Variants in ANGPTL5 observed in about 807,000 individuals in gnomAD.
ANGPTL5 encodes the protein angiopoietin-related protein 5.
In ANGPTL5, 34 loss-of-function variants were observed where a neutral mutation model predicts 39.4. That is an observed-to-expected ratio of 0.86 (90% CI 0.66 to 1.15). The LOEUF (loss-of-function observed/expected upper bound fraction) is 1.15. Ranked by LOEUF, ANGPTL5 falls within the 50% of genes most tolerant of loss-of-function variation. The pLI is 0.00. For missense variants in ANGPTL5, 467 were observed against 457.5 expected, an observed-to-expected ratio of 1.02 and a Z score of -0.19; for synonymous variants, 146 against 152.1, an observed-to-expected ratio of 0.96 and a Z score of 0.29.
At chr11:101,893,125 T>G (rs1939730899) in intron 8 of ANGPTL5, among the ~76,000 whole-genome samples, 1 of 152,186 alleles carries the variant, frequency 6.6e-6, no homozygotes. Context: ...CCTCAAGAGA[T>G]TTTATTTAAT....
chr11:101,914,189 T>TTCCAATCTG (rs1251261413), intron 1 of ANGPTL5, among the ~76,000 whole-genome samples: 4 of 152,250 alleles, frequency 2.6e-5, no homozygotes, highest in African/African-American at 4.8e-5. Flanking sequence ...TTATTTGGTC[T>TTCCAATCTG]GTACTTTCTG....
At chr11:101,912,059 C>A (rs1342829400) in intron 1 of ANGPTL5, among the ~76,000 whole-genome samples, 1 of 152,244 alleles carries the variant, frequency 6.6e-6, no homozygotes, top group Non-Finnish European at 1.5e-5. Flanking sequence ...TTCCATGTAG[C>A]ACTTTTCACT....
At chr11:101,905,686 A>T in intron 4 of ANGPTL5, 58 bp downstream of exon 4, 1 of 1,191,266 alleles carries the variant, frequency 8.4e-7, no homozygotes, top group Non-Finnish European at 1.2e-6. Context: ...TTATACCTCC[A>T]GCTAACTATA....
intron 6 of ANGPTL5, among the ~76,000 whole-genome samples, chr11:101,901,732 A>G (rs1447511412): frequency 6.6e-6 from 1 of 152,144 alleles, no homozygotes; most frequent in Non-Finnish European, 1.5e-5. Context: ...TTTTAAAATT[A>G]TTTCCCACCT....
chr11:101,913,667 A>G (rs1233305071), intron 1 of ANGPTL5, among the ~76,000 whole-genome samples: 1 of 152,238 alleles, frequency 6.6e-6, no homozygotes, highest in East Asian at 1.9e-4. Context: ...CCTAGGACTT[A>G]CGAGATCGCA....
chr11:101,911,914 A>C (rs767367138), intron 1 of ANGPTL5, among the ~76,000 whole-genome samples: 10 of 152,060 alleles, frequency 6.6e-5, no homozygotes, highest in Non-Finnish European at 1.2e-4. Flanking sequence ...CTTATTCTTC[A>C]TCCAGATATT....
intron 1 of ANGPTL5, among the ~76,000 whole-genome samples, chr11:101,914,602 A>G (rs1940155999): frequency 6.6e-6 from 1 of 152,210 alleles, no homozygotes; most frequent in South Asian, 2.1e-4. Flanking sequence ...TCACAAAGAC[A>G]TTTTAAAGAG....
chr11:101,899,514 G>A (rs900220041), intron 7 of ANGPTL5, among the ~76,000 whole-genome samples: 1 of 152,228 alleles, frequency 6.6e-6, no homozygotes, highest in Admixed American at 6.5e-5. Context: ...AAATAAATTT[G>A]AAGTAAGGAA....
intron 6 of ANGPTL5, among the ~76,000 whole-genome samples, chr11:101,901,828 T>A (rs998622408): frequency 6.6e-6 from 1 of 152,046 alleles, no homozygotes; most frequent in Non-Finnish European, 1.5e-5. Flanking sequence ...TAGTATTTAC[T>A]TAGAAAAAAA....
At chr11:101,902,530 T>A in intron 6 of ANGPTL5, 91 bp downstream of exon 6, 1 of 1,040,910 alleles carries the variant, frequency 9.6e-7, no homozygotes, top group Non-Finnish European at 1.4e-6. Flanking sequence ...AAATTAAATA[T>A]TAAAACAATT....
rs1940055323 is a variant in ANGPTL5, at chr11:101,909,513, G to A, written c.-92-1512C>T. Among the ~76,000 whole-genome samples, 3 of 152,332 alleles carry A rather than the reference G, an allele frequency of 2.0e-5. No homozygotes were observed. In the South Asian group the frequency reaches 6.2e-4, roughly 32 times the overall value. Reference sequence around the variant, plus strand: ...ATATTAATAGGCAAATACACATATTGTAATCTTAAATTTCTAGTTGAAGTC... The same window carrying A: ...ATATTAATAGGCAAATACACATATTATAATCTTAAATTTCTAGTTGAAGTC... On this transcript the variant is annotated intron_variant, in intron 1 of 8. Coordinates refer to ENST00000334289, the MANE Select transcript of ANGPTL5 (RefSeq NM_178127.5).
intron 1 of ANGPTL5, chr11:101,915,373 C>A: frequency 6.2e-7 from 1 of 1,613,886 alleles, no homozygotes; most frequent in Non-Finnish European, 8.5e-7. Flanking sequence ...CCCCTCGGCC[C>A]TCGGGAGAGC....
Position 101,908,010 on chromosome 11 carries a change from C to A in ANGPTL5, c.-92-9G>T. 1 of 867,192 alleles carries A rather than the reference C, an allele frequency of 1.2e-6. No homozygotes were observed. The highest frequency in any genetic ancestry group is 1.9e-6 in the Non-Finnish European group (1 of 536,630). 53.7% of individuals were successfully genotyped at this position (867,192 alleles called of 1,614,324 possible). On this transcript the variant is annotated splice_polypyrimidine_tract_variant and intron_variant, in intron 1 of 8. Coordinates refer to ENST00000334289, the MANE Select transcript of ANGPTL5 (RefSeq NM_178127.5). ...TCTTCAGTTAAAAACCTCTGGAAAG[C>A]GTACAACAAAAACATAAGCCAAAAC...
At chr11:101,899,020 T>G (rs1476886522) in intron 7 of ANGPTL5, among the ~76,000 whole-genome samples, 7 of 152,240 alleles carry the variant, frequency 4.6e-5, no homozygotes, top group African/African-American at 9.6e-5. Context: ...GATAAGCTTT[T>G]TAATGTGCTG....
chr11:101,891,092 C>T lies in ANGPTL5; in HGVS notation c.*187G>A, dbSNP rs929734767. ...TAATATAGTCAGAAGTAAAAACATA[C>T]AATAAGCCATGTTTTCTTTTATAGA... On this transcript the variant is annotated 3_prime_UTR_variant, in exon 9 of 9. Coordinates refer to ENST00000334289, the MANE Select transcript of ANGPTL5 (RefSeq NM_178127.5). 3.9e-6 allele frequency: 2 copies of T among 519,150 alleles called. No homozygotes were observed. Among genetic ancestry groups the T allele is most frequent in the African/African-American group, 3.8e-5 (2 of 52,568 alleles). The allele number at this position is 519,150 out of a possible 1,614,324, so 32.2% of individuals were successfully genotyped here.
intron 2 of ANGPTL5, 82 bp from the exon 3 acceptor site, chr11:101,907,329 G>A (rs1678623785): frequency 6.7e-6 from 6 of 896,514 alleles, no homozygotes; most frequent in Non-Finnish European, 9.7e-6. Flanking sequence ...AGACTATAGA[G>A]AAAAGCTTAG....
At chr11:101,897,421 G>T (rs575567285) in intron 7 of ANGPTL5, among the ~76,000 whole-genome samples, 32 of 152,240 alleles carry the variant, frequency 2.1e-4, no homozygotes, top group Non-Finnish European at 3.8e-4. Flanking sequence ...CAGTCATGAA[G>T]TCTTTGCCCA....
chr11:101,907,793 T>C (rs764134774), intron 2 of ANGPTL5, 21 bp downstream of exon 2: 25 of 1,503,122 alleles, frequency 1.7e-5, no homozygotes, highest in Middle Eastern at 3.7e-4. Context: ...CTAGCTAATA[T>C]AATATTGCTA....
intron 1 of ANGPTL5, among the ~76,000 whole-genome samples, chr11:101,911,467 A>C (rs1940092040): frequency 6.6e-6 from 1 of 152,010 alleles, no homozygotes; most frequent in Non-Finnish European, 1.5e-5. Flanking sequence ...CCAATGTTGG[A>C]GGTAGGGCCT....
Sources: gnomAD v4.1 joint callset for allele counts (sites outside exome capture counted in the v4.1 genomes callset) on GRCh38, gnomAD v4.1.1 for gene constraint, MANE v1.5 for transcripts, NCBI Gene and HGNC (gene_info 2026-07-23, HGNC 2026-07-21) for gene names.